The following PDGFC variants were observed in gnomAD, a reference collection of about 807,000 sequenced individuals.
The protein encoded by PDGFC is platelet derived growth factor C, also known as platelet-derived growth factor C.
In PDGFC, 12 loss-of-function variants were observed where a neutral mutation model predicts 35.5. The ratio of observed to expected loss-of-function variants is 0.34; its 90% confidence interval spans 0.22 to 0.55. The LOEUF is 0.55. PDGFC is among the 20% of genes least tolerant of loss of function. The pLI, the probability that PDGFC is intolerant of heterozygous loss-of-function variation, is 0.91. For missense variants in PDGFC, 322 were observed against 412.4 expected, an observed-to-expected ratio of 0.78 and a Z score of 1.90; for synonymous variants, 159 against 148.8, an observed-to-expected ratio of 1.07 and a Z score of -0.50.
At chr4:156,850,519 G>C (rs1729428667) in intron 1 of PDGFC, 103 bp from the exon 2 acceptor site, 3 of 565,870 alleles carry the variant, frequency 5.3e-6, no homozygotes, top group Non-Finnish European at 9.0e-6. Flanking sequence ...CAAGTGCTGA[G>C]TGTGTTTTAT....
chr4:156,828,008 A>G (rs1209095809), intron 2 of PDGFC, among the ~76,000 whole-genome samples: 1 of 152,206 alleles, frequency 6.6e-6, no homozygotes, highest in African/African-American at 2.4e-5. Context: ...CATGCAGGCC[A>G]AAGATCAGGA....
chr4:156,970,592 T>C (rs770500267), intron 1 of PDGFC, among the ~76,000 whole-genome samples, 194 bp downstream of exon 1: 1 of 152,192 alleles, frequency 6.6e-6, no homozygotes, highest in Non-Finnish European at 1.5e-5. Flanking sequence ...TCTTGGAGCT[T>C]TGTGGCAGCT....
chr4:156,889,444 G>C (rs1240562898), intron 1 of PDGFC, among the ~76,000 whole-genome samples: 1 of 152,186 alleles, frequency 6.6e-6, no homozygotes, highest in Admixed American at 6.5e-5. Context: ...GGAAAACTTT[G>C]AATTAGTACA....
chr4:156,873,127 T>G (rs1478521523), intron 1 of PDGFC, among the ~76,000 whole-genome samples: 2 of 152,112 alleles, frequency 1.3e-5, no homozygotes, highest in African/African-American at 4.8e-5. Context: ...TGTCTCAAAC[T>G]AAAAACATAA....
Position 156,900,499 on chromosome 4 carries a change from T to C in PDGFC, c.119-50083A>G, listed in dbSNP as rs1031675145. On this transcript the variant is annotated intron_variant, in intron 1 of 5. Transcript: ENST00000502773. ...TAATAGGTAAGCCTGTGAGATTAAA[T>C]GCTGCTGTATTCAGTCTTAAATGAT... Among the ~76,000 whole-genome samples, 9 of 152,238 alleles carry C rather than the reference T, an allele frequency of 5.9e-5. No individual in the cohort carries two copies. In the East Asian group the frequency reaches 1.7e-3, roughly 30 times the overall value.
chr4:156,838,041 C>T (rs1176180150), intron 2 of PDGFC, among the ~76,000 whole-genome samples: 3 of 151,910 alleles, frequency 2.0e-5, no homozygotes, highest in Non-Finnish European at 2.9e-5. Context: ...ATAAATTATG[C>T]CACTGGGCTA....
At chr4:156,935,660 C>T (rs1731662023) in intron 1 of PDGFC, among the ~76,000 whole-genome samples, 1 of 152,146 alleles carries the variant, frequency 6.6e-6, no homozygotes, top group Admixed American at 6.6e-5. Context: ...TGTCTTTATA[C>T]AGAAACACAC....
chr4:156,865,413 C>CT (rs1729816784), intron 1 of PDGFC, among the ~76,000 whole-genome samples: 1 of 152,016 alleles, frequency 6.6e-6, no homozygotes, highest in Non-Finnish European at 1.5e-5. Context: ...ATTTAAAAAG[C>CT]TTTTTATCAG....
chr4:156,861,306 C>T (rs1187122826), intron 1 of PDGFC: 1 of 330,146 alleles, frequency 3.0e-6, no homozygotes, highest in Non-Finnish European at 6.0e-6. Flanking sequence ...ATTGTACTAC[C>T]TAAACAAATT....
intron 1 of PDGFC, among the ~76,000 whole-genome samples, chr4:156,902,603 T>A (rs1000075747): frequency 6.6e-6 from 1 of 152,242 alleles, no homozygotes; most frequent in African/African-American, 2.4e-5. Context: ...ATATTATGTT[T>A]ACTTTGTGTA....
At chr4:156,813,272 C>G (rs1417821016) in intron 2 of PDGFC, among the ~76,000 whole-genome samples, 3 of 152,032 alleles carry the variant, frequency 2.0e-5, no homozygotes, top group African/African-American at 7.2e-5. Flanking sequence ...ATGCAGGTTA[C>G]CACCACTCAT....
At chr4:156,895,974 AT>A (rs549704737) in intron 1 of PDGFC, among the ~76,000 whole-genome samples, 31 of 152,154 alleles carry the variant, frequency 2.0e-4, no homozygotes, top group Non-Finnish European at 3.7e-4. Flanking sequence ...AAAGAAGGTA[AT>A]TTAGTTAAAT....
chr4:156,971,566 C>G lies in PDGFC; in HGVS notation c.-663G>C, dbSNP rs1732596060. ...AGGCCGCGGGGCTCCCGCTCCTCAG[C>G]CCGGAGCGCAGTTGGCCCCGGGTTC... is the stretch of plus-strand genomic sequence containing the variant. On this transcript the variant is annotated 5_prime_UTR_variant, in exon 1 of 6. Transcript: ENST00000502773. Among the ~76,000 whole-genome samples the G allele has an allele frequency of 6.6e-6, 1 of 151,206 alleles. No individual in the cohort carries two copies. The highest frequency in any genetic ancestry group is 2.1e-4 in the South Asian group (1 of 4,820).
At chr4:156,924,630 T>A (rs1038086293) in intron 1 of PDGFC, among the ~76,000 whole-genome samples, 1 of 152,062 alleles carries the variant, frequency 6.6e-6, no homozygotes, top group Non-Finnish European at 1.5e-5. Context: ...GAAATGTCGG[T>A]CAGGAAAAAT....
intron 1 of PDGFC, among the ~76,000 whole-genome samples, chr4:156,940,298 T>C (rs1287580545): frequency 6.6e-6 from 1 of 152,136 alleles, no homozygotes; most frequent in African/African-American, 2.4e-5. Flanking sequence ...CAGTCTTTTC[T>C]AAAATTTTGG....
In PDGFC at chr4:156,767,789, G is replaced by C; in HGVS notation, c.905C>G (p.Thr302Ser). The C allele has an allele frequency of 6.2e-7, 1 of 1,610,584 alleles. No individual in the cohort carries two copies. The highest frequency in any genetic ancestry group is 8.5e-7 in the Non-Finnish European group (1 of 1,177,086). ...NECQCVPSKV[T>S]KKYHEVLQLR... ...TATACCTACCTCGTGGTATTTTTTA[G>C]TAACTTTGCTTGGGACACATTGACA... The change falls in exon 5 of 6, where the codon ACT (threonine) becomes AGT (serine). Residue 302 changes from threonine (T) to serine (S), a missense_variant. By Grantham distance (58) the Thr-to-Ser change is moderately conservative. Transcript: ENST00000502773.
chr4:156,791,099 C>T (rs1731289276), intron 3 of PDGFC, among the ~76,000 whole-genome samples: 1 of 152,146 alleles, frequency 6.6e-6, no homozygotes, highest in Non-Finnish European at 1.5e-5. Context: ...AATGCAAAGC[C>T]TGGCATTTTC....
At chr4:156,853,418 A>T (rs2111091777) in intron 1 of PDGFC, among the ~76,000 whole-genome samples, 1 of 152,302 alleles carries the variant, frequency 6.6e-6, no homozygotes, top group South Asian at 2.1e-4. Flanking sequence ...TATTTATGAG[A>T]TATAATTAAA....
intron 1 of PDGFC, among the ~76,000 whole-genome samples, chr4:156,923,085 A>G (rs1012087108): frequency 6.6e-6 from 1 of 152,148 alleles, no homozygotes; most frequent in African/African-American, 2.4e-5. Context: ...AAAATCTTCC[A>G]GAGTCTTCTC....
Sources: gnomAD v4.1 joint callset for allele counts (sites outside exome capture counted in the v4.1 genomes callset) on GRCh38, gnomAD v4.1.1 for gene constraint, MANE v1.5 for transcripts, NCBI Gene and HGNC (gene_info 2026-07-23, HGNC 2026-07-21) for gene names.